Variants in TGFB2 observed in about 807,000 individuals in gnomAD.
TGFB2 encodes transforming growth factor beta 2, also known as transforming growth factor beta-2 proprotein.
Under a neutral mutation model 42.7 loss-of-function variants are expected in TGFB2, and 13 were observed. The observed-to-expected ratio is 0.30, with a 90% CI of 0.20 to 0.48. The LOEUF is 0.48. Among genes scored for constraint, TGFB2 ranks in the 20% least tolerant of loss-of-function variants. The pLI, the probability that TGFB2 is intolerant of heterozygous loss-of-function variation, is 0.99. For synonymous variants in TGFB2, 193 were observed against 193.6 expected (o/e 1.00, Z 0.03); for missense variants, 390 against 517.5 (o/e 0.75, Z 2.39).
chr1:218,393,541 G>A (rs1658388080), intron 1 of TGFB2, among the ~76,000 whole-genome samples: 1 of 151,988 alleles, frequency 6.6e-6, no homozygotes, highest in Non-Finnish European at 1.5e-5. Context: ...TGGGCTCACT[G>A]GCCTCATTAA....
intron 1 of TGFB2, among the ~76,000 whole-genome samples, chr1:218,370,462 A>G (rs1210735565): frequency 6.6e-6 from 1 of 152,208 alleles, no homozygotes; most frequent in Admixed American, 6.5e-5. Context: ...AAATACTGAG[A>G]CTAGAGAATA....
chr1:218,416,044 G>A (rs563672375), intron 2 of TGFB2, among the ~76,000 whole-genome samples: 1 of 152,254 alleles, frequency 6.6e-6, no homozygotes, highest in East Asian at 1.9e-4. Flanking sequence ...GTGGGACAGA[G>A]CAGGGTTTTG....
intron 1 of TGFB2, among the ~76,000 whole-genome samples, chr1:218,351,589 T>C (rs1656869059): frequency 6.6e-6 from 1 of 152,160 alleles, no homozygotes; most frequent in Admixed American, 6.5e-5. Context: ...AGTTGGGTCG[T>C]CTTTGTTGCC....
At position 218,442,598 on chromosome 1, in the gene TGFB2, T is replaced by C. The variant is rs1412604799; in HGVS notation, c.*1236T>C. ...CACTACAAATGCATTTTTTTTTTAA[T>C]AACATTTGCCCTACTTGTGCTTTGT... On this transcript the variant is annotated 3_prime_UTR_variant, in exon 7 of 7. Coordinates refer to ENST00000366930, the MANE Select transcript of TGFB2 (RefSeq NM_003238.6). 6.6e-6 allele frequency: 1 copy of C among 151,954 alleles called. No homozygotes were observed. The highest frequency in any genetic ancestry group is 2.1e-4 in the South Asian group (1 of 4,818). The allele number at this position is 151,954 out of a possible 1,614,324, so 9.4% of individuals were successfully genotyped here. A position where few individuals can be genotyped will look rare whatever the true frequency, so the allele number is the denominator to read the frequency against.
chr1:218,358,584 C>T (rs538768819), intron 1 of TGFB2, among the ~76,000 whole-genome samples: 3 of 148,624 alleles, frequency 2.0e-5, no homozygotes, highest in Admixed American at 6.7e-5. Flanking sequence ...AGTCTCGCTC[C>T]GTCACCTAGG....
intron 2 of TGFB2, among the ~76,000 whole-genome samples, chr1:218,413,689 C>G (rs1365112043): frequency 1.3e-5 from 2 of 152,192 alleles, no homozygotes; most frequent in Non-Finnish European, 2.9e-5. Flanking sequence ...AGGACACAAT[C>G]CCGTTGTAAG....
intron 1 of TGFB2, among the ~76,000 whole-genome samples, chr1:218,385,826 A>G (rs535097471): frequency 1.1e-4 from 17 of 152,346 alleles, no homozygotes; most frequent in African/African-American, 3.8e-4. Flanking sequence ...AATAAGCCTC[A>G]GTGTCACAGG....
In TGFB2 at chr1:218,442,861, A is replaced by C. The variant is rs949877348; in HGVS notation, c.*1499A>C. ...TTTAGGGTTCTAACTAAAACTCAGA[A>C]TCTTTATTGAGTTAAGAAAAGTTTC... On this transcript the variant is annotated 3_prime_UTR_variant, in exon 7 of 7. Transcript: ENST00000366930. 6.6e-6 allele frequency: 1 copy of C among 152,138 alleles called. No homozygotes were observed. Among genetic ancestry groups the C allele is most frequent in the African/African-American group, 2.4e-5 (1 of 41,440 alleles). The allele number at this position is 152,138 out of a possible 1,614,324, so 9.4% of individuals were successfully genotyped here.
rs112436588 is a variant in TGFB2 at position 218,434,283 on chromosome 1, G to A, written c.644-55G>A. The A allele has an allele frequency of 7.2e-5, 116 of 1,610,726 alleles. 1 individual carries two copies. Among genetic ancestry groups the A allele is most frequent in the Middle Eastern group, 6.6e-4 (4 of 6,044 alleles). On this transcript the variant is annotated intron_variant, in intron 3 of 6. Transcript: ENST00000366930. The stretch of plus-strand genomic sequence containing the variant: ...CCTAAGTTACTTTAAATTGATTGCA[G>A]ATTTAAGGGTATAGACACACATACA...
intron 6 of TGFB2, among the ~76,000 whole-genome samples, chr1:218,438,482 T>C (rs564433760): frequency 6.6e-6 from 1 of 152,188 alleles, no homozygotes; most frequent in Non-Finnish European, 1.5e-5. Context: ...AATGTCTGTA[T>C]TAAAAGTTAT....
At chr1:218,371,927 C>A (rs1657586066) in intron 1 of TGFB2, among the ~76,000 whole-genome samples, 1 of 152,198 alleles carries the variant, frequency 6.6e-6, no homozygotes, top group African/African-American at 2.4e-5. Flanking sequence ...TGTTTAGAGC[C>A]ACGTTCCTAC....
chr1:218,382,254 G>A (rs1053359503), intron 1 of TGFB2, among the ~76,000 whole-genome samples: 3 of 152,192 alleles, frequency 2.0e-5, no homozygotes, highest in Admixed American at 1.3e-4. Context: ...ATCTTGCCCA[G>A]AGGCCCCTGG....
intron 2 of TGFB2, among the ~76,000 whole-genome samples, chr1:218,432,182 C>A (rs10482793): frequency 0.015 from 2,250 of 152,218 alleles, 26 homozygotes; most frequent in Middle Eastern, 0.024. Flanking sequence ...GTTAGTTAAC[C>A]TCCTTGAGTT....
intron 6 of TGFB2, among the ~76,000 whole-genome samples, chr1:218,437,985 C>T (rs191652781): frequency 1.3e-5 from 2 of 152,224 alleles, no homozygotes; most frequent in Non-Finnish European, 2.9e-5. Flanking sequence ...ATTTGGGGAA[C>T]ATTCCAGATC....
intron 1 of TGFB2, among the ~76,000 whole-genome samples, chr1:218,371,226 G>A (rs375846163): frequency 1.5e-4 from 23 of 152,236 alleles, no homozygotes; most frequent in African/African-American, 4.8e-4. Flanking sequence ...ACTTGATCCC[G>A]GGAGTTGGAA....
intron 2 of TGFB2, among the ~76,000 whole-genome samples, chr1:218,412,037 C>G (rs1370710497): frequency 1.3e-5 from 2 of 152,300 alleles, no homozygotes; most frequent in East Asian, 3.9e-4. Flanking sequence ...TCTTGGAACA[C>G]TAACCCACTG....
At chr1:218,414,724 C>T (rs1168287664) in intron 2 of TGFB2, among the ~76,000 whole-genome samples, 1 of 152,148 alleles carries the variant, frequency 6.6e-6, no homozygotes, top group Non-Finnish European at 1.5e-5. Context: ...AGTGAATATG[C>T]AATAGTAACT....
At chr1:218,373,309 T>C (rs1340580332) in intron 1 of TGFB2, among the ~76,000 whole-genome samples, 2 of 152,186 alleles carry the variant, frequency 1.3e-5, no homozygotes, top group Non-Finnish European at 2.9e-5. Context: ...AGTGAATTTC[T>C]GCATGAAGAA....
chr1:218,357,919 G>T (rs571601114), intron 1 of TGFB2, among the ~76,000 whole-genome samples: 11 of 152,320 alleles, frequency 7.2e-5, no homozygotes, highest in African/African-American at 2.6e-4. Flanking sequence ...GTTTCAGGAA[G>T]TACTGTAGTA....
Sources: gnomAD v4.1 joint callset for allele counts (sites outside exome capture counted in the v4.1 genomes callset) on GRCh38, gnomAD v4.1.1 for gene constraint, MANE v1.5 for transcripts, NCBI Gene and HGNC (gene_info 2026-07-23, HGNC 2026-07-21) for gene names.